Variants in CNTN2 observed in about 807,000 individuals in gnomAD.
CNTN2 encodes the protein contactin-2.
A neutral mutation model predicts 117.5 loss-of-function variants in CNTN2; 53 were observed. The observed-to-expected ratio is 0.45, with a 90% CI of 0.36 to 0.57. The LOEUF (loss-of-function observed/expected upper bound fraction) is 0.57, where lower values mean the gene tolerates loss of function less well. Ranked by LOEUF, CNTN2 falls within the 20% of genes least tolerant of loss-of-function variation. The pLI is 0.00. For synonymous variants in CNTN2, 530 were observed against 561.7 expected (o/e 0.94, Z 0.80); for missense variants, 1,106 against 1,404.3 (o/e 0.79, Z 3.39).
At position 205,073,272 on chromosome 1, in the gene CNTN2, A is replaced by T; in HGVS notation, c.3013+36A>T. 6.2e-7 allele frequency: 1 copy of T among 1,605,398 alleles called. No homozygotes were observed. Among genetic ancestry groups the T allele is most frequent in the Non-Finnish European group, 8.5e-7 (1 of 1,174,380 alleles). ...TCCCCTACCCTTATCCCCTCGAGAG[A>T]TTCAGGATCCACCCAGATACCTGAG... On this transcript the variant is annotated intron_variant, in intron 22 of 22. Coordinates refer to ENST00000331830, the MANE Select transcript of CNTN2 (RefSeq NM_005076.5). This position sits in a 1 kb window ranked among gnomAD's most constrained non-coding sequence, Gnocchi z 6.3.
At chr1:205,054,106 CA>C (rs1242042661) in intron 2 of CNTN2, among the ~76,000 whole-genome samples, 7 of 152,342 alleles carry the variant, frequency 4.6e-5, no homozygotes, top group Admixed American at 4.6e-4. Flanking sequence ...CTGCTGGACC[CA>C]CTGCTTGGCC....
At chr1:205,053,331 C>T (rs756567312) in intron 2 of CNTN2, 76 bp downstream of exon 2, 9 of 1,246,762 alleles carry the variant, frequency 7.2e-6, no homozygotes, top group South Asian at 1.5e-5. Context: ...ATTTGGGTGA[C>T]GATTACAGAA....
rs1574641992 is a variant in CNTN2 at position 205,058,506 on chromosome 1, G to A, written c.392-62G>A. 2 of 1,581,324 alleles carry A rather than the reference G, an allele frequency of 1.3e-6. No individual in the cohort carries two copies. The highest frequency in any genetic ancestry group is 2.2e-5 in the South Asian group (2 of 89,920). On this transcript the variant is annotated intron_variant, in intron 4 of 22. Coordinates refer to ENST00000331830, the MANE Select transcript of CNTN2 (RefSeq NM_005076.5). This position sits in a 1 kb window ranked among gnomAD's most constrained non-coding sequence, Gnocchi z 4.3. ...GAACTGCTGCTTCTCCGTGAAGGAT[G>A]AGTCGGGGAGGGGCTCGCAGGCCAG...
rs116036521 is a variant in CNTN2 at position 205,073,145 on chromosome 1, T to G, written c.2922T>G (p.Pro974=). Residue 974 remains proline (P), a synonymous_variant, in exon 22 of 23, where the codon CCT becomes CCG. Coordinates refer to ENST00000331830, the MANE Select transcript of CNTN2 (RefSeq NM_005076.5). The surrounding 1 kb of genome is among the most constrained non-coding windows in gnomAD (Gnocchi z 6.3). ...TGKNWIEIPV[P]EDIGHALVQI... is the part of the protein sequence containing the mutation. ...AGAACTGGATAGAAATCCCAGTGCC[T>G]GAAGACATTGGCCATGCCCTGGTAC... 2,870 of 1,614,130 alleles carry G rather than the reference T, an allele frequency of 1.8e-3. 59 individuals are homozygous for G. In the African/African-American group the frequency reaches 0.033, roughly 19 times the overall value.
chr1:205,043,262 G>T lies in CNTN2; in HGVS notation c.-219G>T. The T allele has an allele frequency of 6.5e-6, 1 of 152,934 alleles. No individual in the cohort carries two copies. Among genetic ancestry groups the T allele is most frequent in the South Asian group, 1.9e-4 (1 of 5,234 alleles). 9.5% of individuals were successfully genotyped at this position (152,934 alleles called of 1,614,324 possible). A position where few individuals can be genotyped will look rare whatever the true frequency, so the allele number is the denominator to read the frequency against. On this transcript the variant is annotated 5_prime_UTR_variant, in exon 1 of 23. Coordinates refer to ENST00000331830, the MANE Select transcript of CNTN2 (RefSeq NM_005076.5). ...CGCCGCCGCGGCCGCCGCCGCACCCGGACAGCGAGCGGCTGAGGCCGCCAG... is the reference window on the plus strand; with the variant it reads ...CGCCGCCGCGGCCGCCGCCGCACCCTGACAGCGAGCGGCTGAGGCCGCCAG...
Position 205,061,738 on chromosome 1 carries a change from A to C in CNTN2, c.974-127A>C. On this transcript the variant is annotated intron_variant, in intron 8 of 22. Transcript: ENST00000331830. The surrounding 1 kb of genome is among the most constrained non-coding windows in gnomAD (Gnocchi z 4.8). The stretch of plus-strand genomic sequence containing the variant: ...CGGCCCCCTCCTCTTTGTCCTCTCC[A>C]TCTCAGAATGCTCATGGCGCCCTCT... 1 of 1,250,644 alleles carries C rather than the reference A, an allele frequency of 8.0e-7. No homozygotes were observed. Among genetic ancestry groups the C allele is most frequent in the African/African-American group, 1.5e-5 (1 of 65,628 alleles). 77.5% of individuals were successfully genotyped at this position (1,250,644 alleles called of 1,614,324 possible).
intron 2 of CNTN2, among the ~76,000 whole-genome samples, chr1:205,055,729 C>T (rs6656507): frequency 0.48 from 72,957 of 151,978 alleles, 18,558 homozygotes; most frequent in African/African-American, 0.55. Context: ...CCCCCAGATC[C>T]GCTCCTTCTC....
intron 16 of CNTN2, chr1:205,067,913 G>A (rs1039130347): frequency 1.7e-5 from 2 of 121,166 alleles, no homozygotes; most frequent in African/African-American, 3.3e-5. Context: ...GGGCGACAGA[G>A]CGAGACTCCA....
rs765587807 is a variant in CNTN2 at position 205,061,907 on chromosome 1, A to G, written c.1016A>G (p.Asp339Gly). ...WLKVISDTEADIGSNLRWGCA... is the reference protein window; with the variant it reads ...WLKVISDTEAGIGSNLRWGCA... The stretch of plus-strand genomic sequence containing the variant: ...AAAGTGATCTCGGACACAGAGGCTG[A>G]CATTGGCTCCAACCTGCGTTGGGGC... The change falls in exon 9 of 23, where the codon GAC becomes GGC. Residue 339 changes from aspartate (D) to glycine (G), a missense_variant. Transcript: ENST00000331830. The surrounding 1 kb of genome is among the most constrained non-coding windows in gnomAD (Gnocchi z 4.8). 1 of 1,590,218 alleles carries G rather than the reference A, an allele frequency of 6.3e-7. No individual in the cohort carries two copies. The highest frequency in any genetic ancestry group is 8.6e-7 in the Non-Finnish European group (1 of 1,167,246).
At chr1:205,054,997 T>G (rs1331834276) in intron 2 of CNTN2, among the ~76,000 whole-genome samples, 1 of 151,844 alleles carries the variant, frequency 6.6e-6, no homozygotes, top group East Asian at 1.9e-4. Flanking sequence ...GTTTTGTTGT[T>G]GTTGTTGTTG....
At chr1:205,044,459 G>C (rs1017407491) in intron 1 of CNTN2, among the ~76,000 whole-genome samples, 4 of 116,448 alleles carry the variant, frequency 3.4e-5, no homozygotes, top group Non-Finnish European at 6.7e-5. Context: ...CCTGTGTCCT[G>C]GGGGGGGGGG....
In CNTN2 at chr1:205,058,514, G is replaced by T. The variant is rs1421589601; in HGVS notation, c.392-54G>T. 1 of 1,589,242 alleles carries T rather than the reference G, an allele frequency of 6.3e-7. No homozygotes were observed. The highest frequency in any genetic ancestry group is 8.6e-7 in the Non-Finnish European group (1 of 1,159,506). On this transcript the variant is annotated intron_variant, in intron 4 of 22. Transcript: ENST00000331830. This position sits in a 1 kb window ranked among gnomAD's most constrained non-coding sequence, Gnocchi z 4.3. ...GCTTCTCCGTGAAGGATGAGTCGGG[G>T]AGGGGCTCGCAGGCCAGGAGGACAG...
At chr1:205,046,988 C>T (rs2096442641) in intron 1 of CNTN2, among the ~76,000 whole-genome samples, 1 of 152,136 alleles carries the variant, frequency 6.6e-6, no homozygotes, top group African/African-American at 2.4e-5. Context: ...AGATCAAGGG[C>T]CAGACTCCCC....
intron 10 of CNTN2, 106 bp from the exon 11 acceptor site, chr1:205,064,216 G>A: frequency 8.2e-7 from 1 of 1,215,418 alleles, no homozygotes; most frequent in Admixed American, 2.4e-5. Flanking sequence ...TTCTGGAAGA[G>A]GTGCTAATAG....
At chr1:205,062,695 C>T (rs1176243965) in intron 10 of CNTN2, 126 bp downstream of exon 10, 9 of 1,148,082 alleles carry the variant, frequency 7.8e-6, no homozygotes, top group Non-Finnish European at 1.0e-5. Context: ...GGTTTTCCAA[C>T]AGTTTCTAAG....
rs1202021302 is a variant in CNTN2, at chr1:205,059,375, T to C, written c.697+82T>C. ...AGGAAAAGGGTTTTTCCTTTGGAGATTGGAAGATCAGCTTGCAGGGCACTG... is the reference window on the plus strand; with the variant it reads ...AGGAAAAGGGTTTTTCCTTTGGAGACTGGAAGATCAGCTTGCAGGGCACTG... On this transcript the variant is annotated intron_variant, in intron 6 of 22. Transcript: ENST00000331830. The surrounding 1 kb of genome is among the most constrained non-coding windows in gnomAD (Gnocchi z 5.6). 7 of 1,405,566 alleles carry C rather than the reference T, an allele frequency of 5.0e-6. No individual in the cohort carries two copies. The South Asian group carries it at 6.1e-5, about 12-fold the overall frequency. 87.1% of individuals were successfully genotyped at this position (1,405,566 alleles called of 1,614,324 possible). A position where few individuals can be genotyped will look rare whatever the true frequency, so the allele number is the denominator to read the frequency against.
chr1:205,058,760 T>C lies in CNTN2; in HGVS notation c.487+97T>C. 1.0e-6 allele frequency: 1 copy of C among 961,334 alleles called. No homozygotes were observed. Among genetic ancestry groups the C allele is most frequent in the Non-Finnish European group, 1.6e-6 (1 of 642,330 alleles). The allele number at this position is 961,334 out of a possible 1,614,324, so 59.6% of individuals were successfully genotyped here. A position where few individuals can be genotyped will look rare whatever the true frequency, so the allele number is the denominator to read the frequency against. On this transcript the variant is annotated intron_variant, in intron 5 of 22. Coordinates refer to ENST00000331830, the MANE Select transcript of CNTN2 (RefSeq NM_005076.5). The surrounding 1 kb of genome is among the most constrained non-coding windows in gnomAD (Gnocchi z 4.3). ...TGGAATAAAAGGAGACCCCTGGAAA[T>C]GACCCTTAGAAGCACCCATCCCTGG...
Position 205,062,003 on chromosome 1 carries a change from T to C in CNTN2, c.1110+2T>C. The C allele has an allele frequency of 6.2e-7, 1 of 1,613,038 alleles. No homozygotes were observed. Among genetic ancestry groups the C allele is most frequent in the Non-Finnish European group, 8.5e-7 (1 of 1,179,742 alleles). The stretch of plus-strand genomic sequence containing the variant: ...AACGGGGAGCCTCTGGCCTCCCAGG[T>C]AGGAGACATGGGGCTTCCCCCGACA... On this transcript the variant is annotated splice_donor_variant, in intron 9 of 22. Coordinates refer to ENST00000331830, the MANE Select transcript of CNTN2 (RefSeq NM_005076.5). LOFTEE classifies it high-confidence loss of function.
At chr1:205,064,884 C>G in intron 12 of CNTN2, 134 bp downstream of exon 12, 1 of 1,376,038 alleles carries the variant, frequency 7.3e-7, no homozygotes. Flanking sequence ...TTGCTTGGGA[C>G]CACCCCCTGG....
Sources: allele counts gnomAD v4.1 joint callset (sites outside exome capture counted in the v4.1 genomes callset), GRCh38; gene constraint gnomAD v4.1.1; non-coding constraint Gnocchi (gnomAD v3.1); transcripts MANE v1.5; gene names NCBI Gene and HGNC (gene_info 2026-07-23, HGNC 2026-07-21).